The following CMIP variants were observed in gnomAD, a reference collection of about 807,000 sequenced individuals.
CMIP encodes the protein C-Maf-inducing protein.
CMIP carries 13 observed loss-of-function variants against 97.3 expected under a neutral mutation model. The observed-to-expected ratio is 0.13, with a 90% CI of 0.09 to 0.21. The LOEUF (loss-of-function observed/expected upper bound fraction) is 0.21. Among genes scored for constraint, CMIP ranks in the 10% least tolerant of loss-of-function variants. The probability of loss-of-function intolerance (pLI) is 1.00; values close to 1 mark genes in which losing one functional copy is unlikely to be tolerated. For synonymous variants in CMIP, 538 were observed against 436.3 expected, an observed-to-expected ratio of 1.23 and a Z score of -2.91; for missense variants, 847 against 1,024.9, an observed-to-expected ratio of 0.83 and a Z score of 2.37.
chr16:81,502,777 A>G (rs1010846819), intron 1 of CMIP, among the ~76,000 whole-genome samples: 11 of 152,212 alleles, frequency 7.2e-5, no homozygotes, highest in African/African-American at 2.4e-4. Context: ...TTGAATGCAA[A>G]AAACAAAACA....
At chr16:81,484,240 G>A (rs1205610411) in intron 1 of CMIP, among the ~76,000 whole-genome samples, 1 of 152,230 alleles carries the variant, frequency 6.6e-6, no homozygotes, top group East Asian at 1.9e-4. Context: ...GGCAAAGTCA[G>A]ATTTGGTGAA....
At chr16:81,620,553 C>T (rs1005782656) in intron 2 of CMIP, 6 of 291,568 alleles carry the variant, frequency 2.1e-5, no homozygotes, top group South Asian at 1.7e-4. Context: ...CAGTTCATCC[C>T]ATTCCCTCCC....
At chr16:81,504,660 A>AAAAAAAAAAAAAAG (rs2089674171) in intron 1 of CMIP, among the ~76,000 whole-genome samples, 1 of 139,330 alleles carries the variant, frequency 7.2e-6, no homozygotes, top group Admixed American at 8.0e-5. Flanking sequence ...AAAAAAAAAA[A>AAAAAAAAAAAAAAG]AAAAAAGAAA....
chr16:81,609,736 C>G (rs1210962661), intron 2 of CMIP, among the ~76,000 whole-genome samples: 1 of 152,170 alleles, frequency 6.6e-6, no homozygotes, highest in Non-Finnish European at 1.5e-5. Context: ...TGGGGGCACA[C>G]TCCCCGGGCA....
chr16:81,585,674 A>G (rs193264820), intron 1 of CMIP, among the ~76,000 whole-genome samples: 151 of 126,960 alleles, frequency 1.2e-3, no homozygotes, highest in African/African-American at 3.8e-3. Flanking sequence ...ACCGCATGGC[A>G]CAGTACCTTT....
At chr16:81,496,739 C>G (rs2089497927) in intron 1 of CMIP, among the ~76,000 whole-genome samples, 1 of 152,210 alleles carries the variant, frequency 6.6e-6, no homozygotes, top group Non-Finnish European at 1.5e-5. Flanking sequence ...CCCTGCGGAC[C>G]CTGGACCCCT....
intron 1 of CMIP, among the ~76,000 whole-genome samples, chr16:81,544,459 A>G (rs2090506306): frequency 6.8e-6 from 1 of 146,690 alleles, no homozygotes; most frequent in Non-Finnish European, 1.5e-5. Flanking sequence ...CACACAGGAA[A>G]CCTCTTGTTT....
At chr16:81,686,503 A>ACCGCT (rs1905406702) in intron 10 of CMIP, among the ~76,000 whole-genome samples, 1 of 152,092 alleles carries the variant, frequency 6.6e-6, no homozygotes, top group African/African-American at 2.4e-5. Context: ...GCCCTCACAT[A>ACCGCT]CCGCTCTGGA....
Position 81,702,732 on chromosome 16 carries a change from G to A in CMIP, c.1944+63G>A. 7 of 1,463,806 alleles carry A rather than the reference G, an allele frequency of 4.8e-6. No individual in the cohort carries two copies. In the Admixed American group the frequency reaches 5.5e-5, roughly 11 times the overall value. The allele number at this position is 1,463,806 out of a possible 1,614,324, so 90.7% of individuals were successfully genotyped here. A position where few individuals can be genotyped will look rare whatever the true frequency, so the allele number is the denominator to read the frequency against. ...AGGTGGGTTGGTCCTCTCTGTTGGG[G>A]AACGGCAGGTGGTGTCTGCTGCTGA... On this transcript the variant is annotated intron_variant, in intron 17 of 20. Coordinates refer to ENST00000537098, the MANE Select transcript of CMIP (RefSeq NM_198390.3).
At chr16:81,674,298 C>T (rs933357810) in intron 9 of CMIP, among the ~76,000 whole-genome samples, 1 of 152,118 alleles carries the variant, frequency 6.6e-6, no homozygotes, top group Non-Finnish European at 1.5e-5. Flanking sequence ...ATCAGGCCTG[C>T]CCTTTTGTAT....
chr16:81,556,572 A>G (rs2090768626), intron 1 of CMIP, among the ~76,000 whole-genome samples: 1 of 152,158 alleles, frequency 6.6e-6, no homozygotes, highest in Admixed American at 6.5e-5. Flanking sequence ...CAGAAGGTGG[A>G]ATCCTGGTAA....
In CMIP at chr16:81,578,831, A is replaced by T. The variant is rs115067380; in HGVS notation, c.301-28736A>T. ...ATGGCAGATAAGCCCGTGCCATTGC[A>T]GGGAAGCCTTCACTCCAAAGCCACT... On this transcript the variant is annotated intron_variant, in intron 1 of 20. Transcript: ENST00000537098. Among the ~76,000 whole-genome samples, 842 of 152,322 alleles carry T rather than the reference A, an allele frequency of 5.5e-3. 7 individuals are homozygous for T. The highest frequency in any genetic ancestry group is 0.02 in the African/African-American group (812 of 41,584).
At chr16:81,574,340 A>G (rs1407880455) in intron 1 of CMIP, among the ~76,000 whole-genome samples, 1 of 152,202 alleles carries the variant, frequency 6.6e-6, no homozygotes, top group Non-Finnish European at 1.5e-5. Flanking sequence ...GCCTGGCACC[A>G]ACAACTTCAC....
rs551187951 is a variant in CMIP, at chr16:81,544,757, A to G, written c.301-62810A>G. On this transcript the variant is annotated intron_variant, in intron 1 of 20. Transcript: ENST00000537098. ...TGTGTGTGTGTGCGTGTATTTGTGT[A>G]TGTGTGGAGTGTTGCGTGTGTGCAC... 3.0e-3 allele frequency among the ~76,000 whole-genome samples: 452 copies of G among 151,328 alleles called. 1 individual carries two copies. The highest frequency in any genetic ancestry group is 4.4e-3 in the Non-Finnish European group (299 of 67,776).
intron 1 of CMIP, among the ~76,000 whole-genome samples, chr16:81,482,842 C>A (rs1428724443): frequency 1.3e-5 from 2 of 152,244 alleles, no homozygotes; most frequent in East Asian, 3.8e-4. Context: ...TAGGGCCTGA[C>A]TCACAGGGTC....
intron 14 of CMIP, among the ~76,000 whole-genome samples, chr16:81,698,466 G>T (rs187978584): frequency 6.6e-6 from 1 of 152,328 alleles, no homozygotes; most frequent in East Asian, 1.9e-4. Flanking sequence ...AGGTGGCTGG[G>T]CTTCGTCACG....
chr16:81,648,643 C>T (rs2092392596), intron 3 of CMIP, among the ~76,000 whole-genome samples: 1 of 151,934 alleles, frequency 6.6e-6, no homozygotes, highest in Non-Finnish European at 1.5e-5. Flanking sequence ...ATTAGCTGGG[C>T]ATGGTGGTGC....
chr16:81,660,419 C>T (rs55959212), intron 5 of CMIP, among the ~76,000 whole-genome samples: 20,851 of 151,830 alleles, frequency 0.14, 1,935 homozygotes, highest in Middle Eastern at 0.25. Flanking sequence ...ATTACAGGGG[C>T]GCACACCACC....
intron 1 of CMIP, among the ~76,000 whole-genome samples, chr16:81,469,318 C>T (rs771865042): frequency 6.6e-6 from 1 of 152,252 alleles, no homozygotes; most frequent in Non-Finnish European, 1.5e-5. Context: ...GGCTCTGCCA[C>T]TTGCCTGCTG....
Sources: gnomAD v4.1 joint callset for allele counts (sites outside exome capture counted in the v4.1 genomes callset) on GRCh38, gnomAD v4.1.1 for gene constraint, MANE v1.5 for transcripts, NCBI Gene and HGNC (gene_info 2026-07-23, HGNC 2026-07-21) for gene names.